The following MACROD1 variants were observed in gnomAD, a reference collection of about 807,000 sequenced individuals.
MACROD1 encodes mono-ADP ribosylhydrolase 1, also known as ADP-ribose glycohydrolase MACROD1.
In MACROD1, 31 loss-of-function variants were observed where a neutral mutation model predicts 41.4. The observed-to-expected ratio is 0.75, with a 90% CI of 0.56 to 1.01. MACROD1 has a LOEUF of 1.01. Among genes scored for constraint, MACROD1 ranks in the 50% least tolerant of loss-of-function variants. MACROD1 has a pLI of 0.00. For synonymous variants in MACROD1, 252 were observed against 203.4 expected (o/e 1.24, Z -2.03); for missense variants, 473 against 460.0 (o/e 1.03, Z -0.26).
At chr11:64,047,726 T>C (rs999066521) in intron 3 of MACROD1, among the ~76,000 whole-genome samples, 1 of 151,736 alleles carries the variant, frequency 6.6e-6, no homozygotes, top group Non-Finnish European at 1.5e-5. Context: ...GTGAAACCCC[T>C]TCTCTACCAA....
intron 3 of MACROD1, among the ~76,000 whole-genome samples, chr11:64,125,919 G>A (rs547560153): frequency 5.3e-5 from 8 of 152,256 alleles, no homozygotes; most frequent in African/African-American, 1.4e-4. Flanking sequence ...CTCTGTAGAC[G>A]GGAAAAAACA....
At chr11:64,049,542 G>C (rs577107927) in intron 3 of MACROD1, among the ~76,000 whole-genome samples, 1 of 152,182 alleles carries the variant, frequency 6.6e-6, no homozygotes, top group African/African-American at 2.4e-5. Context: ...CTCCCCAAGC[G>C]GTCTTGGTCT....
chr11:64,137,824 G>A (rs1344546020), intron 3 of MACROD1, among the ~76,000 whole-genome samples: 1 of 152,236 alleles, frequency 6.6e-6, no homozygotes, highest in Non-Finnish European at 1.5e-5. Context: ...GTGGGACCAG[G>A]AGCACAGTTC....
chr11:64,015,547 A>T (rs1439390969), intron 3 of MACROD1, among the ~76,000 whole-genome samples: 2 of 152,106 alleles, frequency 1.3e-5, no homozygotes. Flanking sequence ...ACGCAGACGC[A>T]TGGGGGGGTC....
At chr11:64,097,611 G>T (rs570340291) in intron 3 of MACROD1, among the ~76,000 whole-genome samples, 196 of 152,368 alleles carry the variant, frequency 1.3e-3, no homozygotes, top group Non-Finnish European at 1.8e-3. Flanking sequence ...TCTGGGTTTT[G>T]TCAGGAGATG....
chr11:64,039,254 C>T (rs779390823), intron 3 of MACROD1, among the ~76,000 whole-genome samples: 9 of 151,666 alleles, frequency 5.9e-5, no homozygotes, highest in Non-Finnish European at 8.8e-5. Context: ...GTGGGTGTGG[C>T]GAGGGTGCTA....
At chr11:64,009,801 G>A (rs776920988) in intron 4 of MACROD1, among the ~76,000 whole-genome samples, 4 of 152,228 alleles carry the variant, frequency 2.6e-5, no homozygotes, top group Non-Finnish European at 5.9e-5. Context: ...TGAGACTGCA[G>A]CCCTCTTCTG....
intron 3 of MACROD1, among the ~76,000 whole-genome samples, chr11:64,105,376 A>T (rs1944743048): frequency 6.6e-6 from 1 of 152,202 alleles, no homozygotes; most frequent in South Asian, 2.1e-4. Flanking sequence ...GGCTCTGTGC[A>T]AAGGGAGGCA....
At chr11:64,028,568 G>C (rs1025456377) in intron 3 of MACROD1, among the ~76,000 whole-genome samples, 11 of 152,232 alleles carry the variant, frequency 7.2e-5, no homozygotes, top group Non-Finnish European at 1.3e-4. Flanking sequence ...CTCCCTCCGC[G>C]GCCCAGCCTT....
chr11:64,025,949 G>A (rs141094137), intron 3 of MACROD1, among the ~76,000 whole-genome samples: 2,889 of 152,098 alleles, frequency 0.019, 100 homozygotes, highest in African/African-American at 0.064. Flanking sequence ...TTGGGAGGCC[G>A]AGGCGGGTAT....
intron 4 of MACROD1, among the ~76,000 whole-genome samples, chr11:64,011,046 G>C (rs899327474): frequency 7.0e-6 from 1 of 141,996 alleles, no homozygotes; most frequent in Non-Finnish European, 1.5e-5. Context: ...GTTGGCTGGC[G>C]TGTTGGCTGG....
At chr11:64,118,621 A>C (rs1945041750) in intron 3 of MACROD1, 1 of 261,272 alleles carries the variant, frequency 3.8e-6, no homozygotes, top group Non-Finnish European at 7.9e-6. Flanking sequence ...CCTGAACTGG[A>C]AGGATACTAC....
At chr11:64,151,880 G>A (rs1294042735) in intron 2 of MACROD1, among the ~76,000 whole-genome samples, 1 of 152,200 alleles carries the variant, frequency 6.6e-6, no homozygotes, top group Non-Finnish European at 1.5e-5. Context: ...TGTAATCCCA[G>A]CACTTTGGGA....
At chr11:64,154,272 C>G (rs951886028) in intron 1 of MACROD1, among the ~76,000 whole-genome samples, 1 of 152,206 alleles carries the variant, frequency 6.6e-6, no homozygotes, top group African/African-American at 2.4e-5. Context: ...CTCTTTCCCC[C>G]AAAACGTCAT....
At chr11:64,020,429 C>G (rs1439133294) in intron 3 of MACROD1, among the ~76,000 whole-genome samples, 1 of 152,034 alleles carries the variant, frequency 6.6e-6, no homozygotes, top group Non-Finnish European at 1.5e-5. Flanking sequence ...GACTTGGGAG[C>G]CTTAGTGAGA....
chr11:64,150,009 T>C (rs1945550985), intron 3 of MACROD1, among the ~76,000 whole-genome samples: 2 of 152,212 alleles, frequency 1.3e-5, no homozygotes, highest in South Asian at 4.1e-4. Context: ...CCAGCCACAC[T>C]GAGCAGAAAC....
chr11:64,134,324 T>C (rs1945303874), intron 3 of MACROD1, among the ~76,000 whole-genome samples: 1 of 151,458 alleles, frequency 6.6e-6, no homozygotes, highest in African/African-American at 2.4e-5. Flanking sequence ...GCAGAGAGAG[T>C]TGAAACCCTG....
chr11:64,104,846 G>A (rs902395904), intron 3 of MACROD1, among the ~76,000 whole-genome samples: 1 of 152,170 alleles, frequency 6.6e-6, no homozygotes, highest in Non-Finnish European at 1.5e-5. Flanking sequence ...CCTCCCTGCC[G>A]CTGAGGAGGG....
intron 3 of MACROD1, among the ~76,000 whole-genome samples, chr11:64,018,286 TG>T (rs1276896489): frequency 6.6e-6 from 1 of 151,794 alleles, no homozygotes; most frequent in South Asian, 2.1e-4. Flanking sequence ...GTCCCACGGG[TG>T]GGGGGGCTCT....
Sources: allele counts gnomAD v4.1 joint callset (sites outside exome capture counted in the v4.1 genomes callset), GRCh38; gene constraint gnomAD v4.1.1; transcripts MANE v1.5; gene names NCBI Gene and HGNC (gene_info 2026-07-23, HGNC 2026-07-21).